FRK: variants seen among roughly 807,000 people sequenced by gnomAD.
The protein encoded by FRK is tyrosine-protein kinase FRK.
In FRK, 51 loss-of-function variants were observed where a neutral mutation model predicts 56.4. The ratio of observed to expected loss-of-function variants is 0.90; its 90% CI spans 0.72 to 1.14. The LOEUF (loss-of-function observed/expected upper bound fraction) is 1.14. Among genes scored for constraint, FRK ranks in the 50% most tolerant of loss-of-function variants. The pLI, the probability that FRK is intolerant of heterozygous loss-of-function variation, is 0.00. For missense variants in FRK, 570 were observed against 601.4 expected (o/e 0.95, Z 0.55); for synonymous variants, 245 against 217.9 (o/e 1.12, Z -1.10).
chr6:115,943,110 G>C lies in FRK; in HGVS notation c.1216C>G (p.Arg406Gly). ...PVKWTAPEAIRSNKFSIKSDV... is the reference protein window; with the variant it reads ...PVKWTAPEAIGSNKFSIKSDV... ...GACTTAATGCTGAATTTATTACTAC[G>C]AATGGCTTCGGGCGCAGTCCACTTC... is the stretch of plus-strand genomic sequence containing the variant. The change falls in exon 7 of 8, where the codon CGT (arginine) becomes GGT (glycine). Residue 406 changes from arginine (R) to glycine (G), a missense_variant. Arg to Gly is a moderately radical substitution (Grantham distance 125). Transcript: ENST00000606080. 1 of 1,613,170 alleles carries C rather than the reference G, an allele frequency of 6.2e-7. No individual in the cohort carries two copies. Among genetic ancestry groups the C allele is most frequent in the Non-Finnish European group, 8.5e-7 (1 of 1,179,528 alleles).
At position 115,941,250 on chromosome 6, in the gene FRK, A is replaced by G. The variant is rs1772166406; in HGVS notation, c.*1164T>C. On this transcript the variant is annotated 3_prime_UTR_variant, in exon 8 of 8. Transcript: ENST00000606080. ...TAACAAACTAACACAAGAACAAAAA[A>G]CCAAACACAGCATGTTCTCACTCAT... 1 of 152,160 alleles carries G rather than the reference A, an allele frequency of 6.6e-6. No homozygotes were observed. Among genetic ancestry groups the G allele is most frequent in the Admixed American group, 6.5e-5 (1 of 15,278 alleles). The allele number at this position is 152,160 out of a possible 1,614,324, so 9.4% of individuals were successfully genotyped here.
intron 1 of FRK, among the ~76,000 whole-genome samples, chr6:116,044,420 T>A (rs1005480198): frequency 6.6e-6 from 1 of 152,222 alleles, no homozygotes; most frequent in Non-Finnish European, 1.5e-5. Context: ...GATGCAAGGC[T>A]TACTCAACAT....
intron 1 of FRK, among the ~76,000 whole-genome samples, chr6:116,030,006 T>A (rs922462893): frequency 1.3e-5 from 2 of 152,182 alleles, no homozygotes; most frequent in African/African-American, 4.8e-5. Context: ...TATAAATTCT[T>A]ACTCTTTGAA....
chr6:116,064,275 C>T (rs958365884), upstream of FRK, among the ~76,000 whole-genome samples: 2 of 152,094 alleles, frequency 1.3e-5, no homozygotes, highest in African/African-American at 4.8e-5. Context: ...CTCTATGCAC[C>T]CCTAAATTCT....
chr6:116,011,999 G>A (rs945276688), intron 1 of FRK, among the ~76,000 whole-genome samples: 4 of 151,970 alleles, frequency 2.6e-5, no homozygotes, highest in African/African-American at 9.7e-5. Flanking sequence ...AATAATGCTC[G>A]CAATTATTTT....
intron 1 of FRK, among the ~76,000 whole-genome samples, chr6:116,042,203 T>G (rs923000494): frequency 6.6e-6 from 1 of 152,106 alleles, no homozygotes; most frequent in Non-Finnish European, 1.5e-5. Flanking sequence ...TGTAGCTTCC[T>G]CCTCTCTGGG....
intron 2 of FRK, among the ~76,000 whole-genome samples, chr6:115,991,443 C>A (rs957283264): frequency 2.0e-5 from 3 of 151,472 alleles, no homozygotes; most frequent in Non-Finnish European, 4.4e-5. Context: ...GAGTTATGTT[C>A]CTTTGATGCA....
chr6:116,065,042 A>C (rs1188308429), upstream of FRK, among the ~76,000 whole-genome samples: 1 of 152,112 alleles, frequency 6.6e-6, no homozygotes, highest in Non-Finnish European at 1.5e-5. Context: ...CTGAATAAAA[A>C]TCCCTCACCT....
In FRK at chr6:115,931,586, G is replaced by A. The variant is rs1771959341; in HGVS notation, c.*10828C>T. ...GGTAGCTTTAAAGTATACAAATCTG[G>A]CTAATTGATTTTATTTCTTATTTTT... On this transcript the variant is annotated 3_prime_UTR_variant, in exon 8 of 8. Transcript: ENST00000606080. The A allele has an allele frequency of 6.6e-6, 1 of 151,926 alleles. No individual in the cohort carries two copies. Among genetic ancestry groups the A allele is most frequent in the South Asian group, 2.1e-4 (1 of 4,814 alleles). The allele number at this position is 151,926 out of a possible 1,614,324, so 9.4% of individuals were successfully genotyped here. A position where few individuals can be genotyped will look rare whatever the true frequency, so the allele number is the denominator to read the frequency against.
intron 1 of FRK, among the ~76,000 whole-genome samples, chr6:116,052,368 A>G (rs6568920): frequency 0.78 from 119,247 of 152,022 alleles, 47,237 homozygotes; most frequent in Middle Eastern, 0.91. Context: ...GAGAGGAACA[A>G]TTAAAGAAGA....
chr6:116,046,361 G>A (rs1210837391), intron 1 of FRK, among the ~76,000 whole-genome samples: 1 of 152,164 alleles, frequency 6.6e-6, no homozygotes, highest in East Asian at 1.9e-4. Flanking sequence ...GTTCACAACA[G>A]CAAAGACTTG....
chr6:116,052,714 T>A (rs560045443), intron 1 of FRK, among the ~76,000 whole-genome samples: 8 of 152,004 alleles, frequency 5.3e-5, no homozygotes, highest in Non-Finnish European at 1.0e-4. Flanking sequence ...GAGAGGGTTA[T>A]AGGCAGAGAG....
intron 1 of FRK, among the ~76,000 whole-genome samples, chr6:116,016,334 T>C (rs1337791323): frequency 6.6e-6 from 1 of 152,182 alleles, no homozygotes; most frequent in Admixed American, 6.5e-5. Context: ...TGTTCCTTAT[T>C]TGAATGTTCC....
At chr6:116,049,101 C>T (rs767573935) in intron 1 of FRK, among the ~76,000 whole-genome samples, 15 of 152,252 alleles carry the variant, frequency 9.9e-5, no homozygotes, top group Admixed American at 3.3e-4. Flanking sequence ...TCCATTCCTA[C>T]CTCCTCGTAG....
At chr6:116,068,644 G>C in the FRK span, among the ~76,000 whole-genome samples, 1 of 152,036 alleles carries the variant, frequency 6.6e-6, no homozygotes, top group Non-Finnish European at 1.5e-5. Context: ...TAAACATCCA[G>C]CCAACATGGG....
chr6:116,088,552 C>T, the FRK span, among the ~76,000 whole-genome samples: 2 of 152,186 alleles, frequency 1.3e-5, no homozygotes, highest in Non-Finnish European at 2.9e-5. Context: ...TATAATTGTA[C>T]ACTACAGAGT....
intron 1 of FRK, 99 bp downstream of exon 1, chr6:116,059,869 A>G: frequency 9.7e-7 from 1 of 1,032,340 alleles, no homozygotes; most frequent in Non-Finnish European, 1.4e-6. Flanking sequence ...TTTTTAGGCA[A>G]CTCTTTGGAC....
chr6:116,016,545 A>ATG lies in FRK; in HGVS notation c.345-12549_345-12548dup, dbSNP rs1000330357. ...CACATATATGTGAATGAGTGGATGG[A>ATG]TGTGTGTGTGTGTTTGTGTGTGTGT... is the stretch of plus-strand genomic sequence containing the variant. On this transcript the variant is annotated intron_variant, in intron 1 of 7. Transcript: ENST00000606080. 3.9e-5 allele frequency among the ~76,000 whole-genome samples: 6 copies of ATG among 151,982 alleles called. No homozygotes were observed. The South Asian group carries it at 1.0e-3, about 26-fold the overall frequency.
At position 116,046,452 on chromosome 6, in the gene FRK, TA is replaced by T. The variant is rs1371280847; in HGVS notation, c.344+13515del. Among the ~76,000 whole-genome samples, 14 of 152,236 alleles carry T rather than the reference TA, an allele frequency of 9.2e-5. No individual in the cohort carries two copies. The South Asian group carries it at 2.5e-3, about 27-fold the overall frequency. On this transcript the variant is annotated intron_variant, in intron 1 of 7. Transcript: ENST00000606080. ...TACACCATGGAATACTATGCAGCCA[TA>T]AAAAAGGATGAGTTCATATCCTTTG...
Sources: allele counts gnomAD v4.1 joint callset (sites outside exome capture counted in the v4.1 genomes callset), GRCh38; gene constraint gnomAD v4.1.1; transcripts MANE v1.5; gene names NCBI Gene and HGNC (gene_info 2026-07-23, HGNC 2026-07-21).